The following KIF21B variants were observed in gnomAD, a reference collection of about 807,000 sequenced individuals.
KIF21B encodes the protein kinesin family member 21B.
Under a neutral mutation model 192.9 loss-of-function variants are expected in KIF21B, and 85 were observed. The observed-to-expected ratio is 0.44, with a 90% CI of 0.37 to 0.53. KIF21B has a LOEUF of 0.53. Among genes scored for constraint, KIF21B ranks in the 20% least tolerant of loss-of-function variants. The probability of loss-of-function intolerance (pLI) is 0.00; values close to 1 mark genes in which losing one functional copy is unlikely to be tolerated. For missense variants in KIF21B, 1,716 were observed against 2,194.8 expected (o/e 0.78, Z 4.36); for synonymous variants, 832 against 884.6 (o/e 0.94, Z 1.05).
intron 23 of KIF21B, 66 bp downstream of exon 23, chr1:200,988,427 A>C: frequency 6.2e-7 from 1 of 1,609,632 alleles, no homozygotes; most frequent in Non-Finnish European, 8.5e-7. Context: ...GACCTATGGC[A>C]ACTCCTCCCA....
chr1:200,995,563 T>C (rs1657003728), intron 15 of KIF21B, among the ~76,000 whole-genome samples: 1 of 152,110 alleles, frequency 6.6e-6, no homozygotes, highest in Non-Finnish European at 1.5e-5. Flanking sequence ...GGTGGCAAAG[T>C]AGAAAAGGGA....
At chr1:200,995,153 C>T (rs573195926) in intron 15 of KIF21B, among the ~76,000 whole-genome samples, 5 of 152,238 alleles carry the variant, frequency 3.3e-5, no homozygotes, top group Non-Finnish European at 7.3e-5. Context: ...ACATCAGCCA[C>T]CACTGCATTG....
At chr1:201,009,649 C>T (rs953477101) in intron 1 of KIF21B, among the ~76,000 whole-genome samples, 161 bp from the exon 2 acceptor site, 14 of 152,320 alleles carry the variant, frequency 9.2e-5, no homozygotes, top group African/African-American at 2.9e-4. Context: ...TTTTGTAATA[C>T]AATAGTAATA....
intron 3 of KIF21B, among the ~76,000 whole-genome samples, chr1:201,006,921 G>A (rs1169792399): frequency 9.5e-6 from 1 of 104,774 alleles, no homozygotes; most frequent in African/African-American, 3.6e-5. Context: ...GACACACACA[G>A]ACACACACAC....
intron 1 of KIF21B, 105 bp from the exon 2 acceptor site, chr1:201,009,593 G>A (rs899167122): frequency 7.1e-6 from 8 of 1,129,858 alleles, no homozygotes; most frequent in African/African-American, 3.1e-5. Flanking sequence ...CCATGAGCCA[G>A]AGGAAAAGGA....
chr1:200,986,352 CT>C (rs199915546), intron 26 of KIF21B, among the ~76,000 whole-genome samples: 4 of 143,584 alleles, frequency 2.8e-5, no homozygotes, highest in Non-Finnish European at 4.5e-5. Context: ...ATTACATTTC[CT>C]TTTTTTTTTC....
chr1:200,986,382 G>A (rs1048148349), intron 26 of KIF21B, among the ~76,000 whole-genome samples: 1 of 144,340 alleles, frequency 6.9e-6, no homozygotes, highest in African/African-American at 2.6e-5. Flanking sequence ...TTTTGAGACA[G>A]AGTCTCTCTC....
At chr1:201,018,109 T>C (rs1031748797) in intron 1 of KIF21B, among the ~76,000 whole-genome samples, 11 of 152,162 alleles carry the variant, frequency 7.2e-5, no homozygotes, top group Non-Finnish European at 1.3e-4. Context: ...GACATTGCTT[T>C]CCTCCTCAAT....
intron 27 of KIF21B, 105 bp from the exon 28 acceptor site, chr1:200,983,199 C>A: frequency 2.1e-6 from 2 of 948,154 alleles, no homozygotes; most frequent in South Asian, 1.4e-5. Flanking sequence ...GCAGGTTATT[C>A]TCTTCCAGCG....
intron 6 of KIF21B, 43 bp downstream of exon 6, chr1:201,004,723 G>A: frequency 6.2e-7 from 1 of 1,612,412 alleles, no homozygotes; most frequent in African/African-American, 1.3e-5. Flanking sequence ...GTCTGAGACT[G>A]AGCTGTGTGG....
rs75337780 is a variant in KIF21B, at chr1:201,004,322, G to T, written c.1016+18C>A. On this transcript the variant is annotated intron_variant, in intron 7 of 34. Coordinates refer to ENST00000461742, the MANE Select transcript of KIF21B (RefSeq NM_001252102.2). ...CCTGCCTCCCCTGTCCCTTCCCTGG[G>T]TGTTGGTCACCAGATACCTGTTGCC... is the stretch of plus-strand genomic sequence containing the variant. The T allele has an allele frequency of 0.014, 21,062 of 1,541,254 alleles. 255 individuals are homozygous for T. Among genetic ancestry groups the T allele is most frequent in the South Asian group, 0.028 (2,323 of 84,004 alleles).
chr1:201,013,493 GA>G (rs1658343814), intron 1 of KIF21B, among the ~76,000 whole-genome samples: 1 of 152,166 alleles, frequency 6.6e-6, no homozygotes, highest in African/African-American at 2.4e-5. Context: ...GGGGGCATGG[GA>G]GGGGGGTCAA....
intron 1 of KIF21B, among the ~76,000 whole-genome samples, chr1:201,014,252 G>A (rs567507497): frequency 1.3e-5 from 2 of 152,370 alleles, no homozygotes; most frequent in East Asian, 3.9e-4. Flanking sequence ...GGGACATGCG[G>A]GCGGCTGGGG....
chr1:201,015,975 G>T (rs1359207561), intron 1 of KIF21B, among the ~76,000 whole-genome samples: 1 of 152,108 alleles, frequency 6.6e-6, no homozygotes, highest in African/African-American at 2.4e-5. Flanking sequence ...ATCTGATGAG[G>T]ACACATACTA....
Position 201,000,110 on chromosome 1 carries a change from C to T in KIF21B, c.1686-146G>A. The T allele has an allele frequency of 1.3e-6, 1 of 771,638 alleles. No homozygotes were observed. Among genetic ancestry groups the T allele is most frequent in the South Asian group, 1.6e-5 (1 of 63,344 alleles). The allele number at this position is 771,638 out of a possible 1,614,324, so 47.8% of individuals were successfully genotyped here. A position where few individuals can be genotyped will look rare whatever the true frequency, so the allele number is the denominator to read the frequency against. On this transcript the variant is annotated intron_variant, in intron 11 of 34. Coordinates refer to ENST00000461742, the MANE Select transcript of KIF21B (RefSeq NM_001252102.2). The surrounding 1 kb of genome is among the most constrained non-coding windows in gnomAD (Gnocchi z 6.0). ...TCCTACTCTGCAGAGAACCCCACTGCTCTTCCCTAGGGCCACCCAGAGCTG... is the reference window on the plus strand; with the variant it reads ...TCCTACTCTGCAGAGAACCCCACTGTTCTTCCCTAGGGCCACCCAGAGCTG...
chr1:200,994,050 G>A (rs190989032), intron 15 of KIF21B, among the ~76,000 whole-genome samples: 4 of 152,282 alleles, frequency 2.6e-5, no homozygotes, highest in South Asian at 2.1e-4. Context: ...GGTGTCTTCC[G>A]GGGTCAGGGG....
chr1:200,999,573 G>A lies in KIF21B; in HGVS notation c.1768-107C>T, dbSNP rs988134338. 107 of 1,542,392 alleles carry A rather than the reference G, an allele frequency of 6.9e-5. No individual in the cohort carries two copies. Among genetic ancestry groups the A allele is most frequent in the Non-Finnish European group, 9.0e-5 (103 of 1,146,810 alleles). On this transcript the variant is annotated intron_variant, in intron 12 of 34. Coordinates refer to ENST00000461742, the MANE Select transcript of KIF21B (RefSeq NM_001252102.2). The surrounding 1 kb of genome is among the most constrained non-coding windows in gnomAD (Gnocchi z 4.7). Reference sequence around the variant, plus strand: ...CAGGTGTGTCAGGAGGGTGGGGATTGGGGCAGGCCACAGCTGAGCCCCCCT... The same window carrying A: ...CAGGTGTGTCAGGAGGGTGGGGATTAGGGCAGGCCACAGCTGAGCCCCCCT...
intron 1 of KIF21B, among the ~76,000 whole-genome samples, chr1:201,021,804 G>GCCA (rs532383296): frequency 1.3e-5 from 2 of 152,300 alleles, no homozygotes; most frequent in South Asian, 4.1e-4. Flanking sequence ...ATGGGTGGGG[G>GCCA]CCAGAGCTTC....
intron 23 of KIF21B, 61 bp downstream of exon 23, chr1:200,988,432 C>T: frequency 1.2e-6 from 2 of 1,609,428 alleles, no homozygotes; most frequent in South Asian, 1.1e-5. Flanking sequence ...ATGGCAACTC[C>T]TCCCACCAGC....
Sources: gnomAD v4.1 joint callset for allele counts (sites outside exome capture counted in the v4.1 genomes callset) on GRCh38, gnomAD v4.1.1 for gene constraint, Gnocchi (gnomAD v3.1) non-coding constraint, MANE v1.5 for transcripts, NCBI Gene and HGNC (gene_info 2026-07-23, HGNC 2026-07-21) for gene names.